The following DNMBP variants were observed in gnomAD, a reference collection of about 807,000 sequenced individuals.
The protein encoded by DNMBP is dynamin binding protein.
Under a neutral mutation model 150.0 loss-of-function variants are expected in DNMBP, and 87 were observed. The observed-to-expected ratio is 0.58, with a 90% CI of 0.49 to 0.69. The LOEUF is 0.69. Among genes scored for constraint, DNMBP ranks in the 30% least tolerant of loss-of-function variants. The pLI is 0.00. For synonymous variants in DNMBP, 711 were observed against 750.4 expected (o/e 0.95, Z 0.86); for missense variants, 1,774 against 1,949.0 (o/e 0.91, Z 1.69).
chr10:99,908,012 T>A lies in DNMBP; in HGVS notation c.2537A>T (p.Glu846Val). 1 of 1,614,034 alleles carries A rather than the reference T, an allele frequency of 6.2e-7. No individual in the cohort carries two copies. Among genetic ancestry groups the A allele is most frequent in the Non-Finnish European group, 8.5e-7 (1 of 1,179,908 alleles). ...GCTCATACCTACAGCATCGCTGATT[T>A]CCAGAGCAGCCAATAATTGCTTCGA... is the stretch of plus-strand genomic sequence containing the variant. ...KVSKQLLAAL[E>V]ISDAVGPVFL... The change falls in exon 6 of 17, where the codon GAA (glutamate) becomes GTA (valine). Residue 846 changes from glutamate (E) to valine (V), a missense_variant. Transcript: ENST00000324109.
At position 99,877,368 on chromosome 10, in the gene DNMBP, T is replaced by C. The variant is rs557767852; in HGVS notation, c.4549-32A>G. Reference sequence around the variant, plus strand: ...GAGGGAGAGAGAGAAAATGGGAAATTGCTGGGAGCAATGCCATCCAACAGC... The same window carrying C: ...GAGGGAGAGAGAGAAAATGGGAAATCGCTGGGAGCAATGCCATCCAACAGC... On this transcript the variant is annotated intron_variant, in intron 16 of 16. Coordinates refer to ENST00000324109, the MANE Select transcript of DNMBP (RefSeq NM_015221.4). The C allele has an allele frequency of 1.0e-4, 164 of 1,567,228 alleles. No homozygotes were observed. In the South Asian group the frequency reaches 1.9e-3, roughly 18 times the overall value.
intron 4 of DNMBP, among the ~76,000 whole-genome samples, chr10:99,924,040 G>C (rs991867515): frequency 6.6e-6 from 1 of 152,154 alleles, no homozygotes; most frequent in Admixed American, 6.5e-5. Flanking sequence ...TGTAATCCCA[G>C]CTACTCGGGA....
chr10:99,914,330 C>T (rs1564729994), intron 4 of DNMBP, among the ~76,000 whole-genome samples: 1 of 152,156 alleles, frequency 6.6e-6, no homozygotes, highest in South Asian at 2.1e-4. Context: ...CCATGCTAAG[C>T]CTTTTTGTTG....
intron 14 of DNMBP, 150 bp downstream of exon 14, chr10:99,885,537 T>A: frequency 1.4e-6 from 1 of 730,226 alleles, no homozygotes; most frequent in Non-Finnish European, 2.1e-6. Context: ...GGCGAATGCA[T>A]GAGCCCATGA....
intron 1 of DNMBP, among the ~76,000 whole-genome samples, chr10:99,990,596 C>T (rs1244401441): frequency 7.0e-6 from 1 of 142,390 alleles, no homozygotes; most frequent in Non-Finnish European, 1.6e-5. Flanking sequence ...GACTAAACAC[C>T]CCAAATTAAT....
In DNMBP at chr10:99,888,214, G is replaced by GTTTTTGTT. The variant is rs151151446; in HGVS notation, c.3285+610_3285+611insAACAAAAA. 2.6e-3 allele frequency among the ~76,000 whole-genome samples: 396 copies of GTTTTTGTT among 149,726 alleles called. 4 individuals carry two copies. Among genetic ancestry groups the GTTTTTGTT allele is most frequent in the East Asian group, 5.0e-3 (25 of 4,964 alleles). On this transcript the variant is annotated intron_variant, in intron 12 of 16. Coordinates refer to ENST00000324109, the MANE Select transcript of DNMBP (RefSeq NM_015221.4). ...TTCAAGGTTTTTTTTTTGTTTGTTT[G>GTTTTTGTT]TTTGTTTTTGTTTTGAGGCAGAGTC...
rs1348568283 is a variant in DNMBP, at chr10:99,956,349, A to G, written c.1125T>C (p.Tyr375=). The part of the protein sequence containing the change: ...TSEYDTDRNS[Y]QDEDTAGGPP... Reference sequence around the variant, plus strand: ...GCCCTCCTGCGGTGTCCTCGTCCTGATAAGAGTTTCTGTCTGTGTCATACT... The same window carrying G: ...GCCCTCCTGCGGTGTCCTCGTCCTGGTAAGAGTTTCTGTCTGTGTCATACT... The change falls in exon 4 of 17, where the codon TAT becomes TAC. Residue 375 remains tyrosine, a synonymous_variant. Coordinates refer to ENST00000324109, the MANE Select transcript of DNMBP (RefSeq NM_015221.4). The G allele has an allele frequency of 1.2e-6, 2 of 1,613,736 alleles. No individual in the cohort carries two copies. The highest frequency in any genetic ancestry group is 1.1e-5 in the South Asian group (1 of 91,034).
intron 1 of DNMBP, among the ~76,000 whole-genome samples, chr10:99,995,113 T>C (rs908600056): frequency 6.6e-6 from 1 of 151,114 alleles, no homozygotes; most frequent in African/African-American, 2.4e-5. Context: ...AGTGCGGTGG[T>C]GCGATGACAG....
At chr10:99,965,558 C>T (rs1032151509) in intron 3 of DNMBP, among the ~76,000 whole-genome samples, 2 of 146,182 alleles carry the variant, frequency 1.4e-5, no homozygotes, top group African/African-American at 5.1e-5. Flanking sequence ...ACTGCAGTGG[C>T]GCAATCTTGG....
rs191638719 is a variant in DNMBP at position 99,971,561 on chromosome 10, G to A, written c.145+419C>T. Among the ~76,000 whole-genome samples, 11 of 151,534 alleles carry A rather than the reference G, an allele frequency of 7.3e-5. No individual in the cohort carries two copies. The East Asian group carries it at 1.2e-3, about 16-fold the overall frequency. The stretch of plus-strand genomic sequence containing the variant: ...TTAGAGACAGAGTTTCACTCTTGTC[G>A]CCCAGGCTGGAATGCAATGGCACAA... On this transcript the variant is annotated intron_variant, in intron 2 of 16. Coordinates refer to ENST00000324109, the MANE Select transcript of DNMBP (RefSeq NM_015221.4).
chr10:99,948,501 A>T (rs1398593965), intron 4 of DNMBP, among the ~76,000 whole-genome samples: 1 of 152,220 alleles, frequency 6.6e-6, no homozygotes, highest in Non-Finnish European at 1.5e-5. Flanking sequence ...TCAACTCTTA[A>T]GATTTTCCAA....
chr10:99,933,421 AC>A (rs1335933360), intron 4 of DNMBP, among the ~76,000 whole-genome samples: 2 of 152,246 alleles, frequency 1.3e-5, no homozygotes, highest in African/African-American at 4.8e-5. Flanking sequence ...TGTAGAAATA[AC>A]CAATAAAATA....
At chr10:99,993,861 G>C (rs10159644) in intron 1 of DNMBP, among the ~76,000 whole-genome samples, 1 of 152,018 alleles carries the variant, frequency 6.6e-6, no homozygotes, top group African/African-American at 2.4e-5. Flanking sequence ...ATTCTGCCTT[G>C]AAAAAAGCTA....
At chr10:99,973,080 C>CATTTATTTATTTATTTATTTATTT (rs35399198) in intron 1 of DNMBP, among the ~76,000 whole-genome samples, 28 of 149,580 alleles carry the variant, frequency 1.9e-4, no homozygotes, top group African/African-American at 6.4e-4. Context: ...CTGCCTGCGG[C>CATTTATTTATTTATTTATTTATTT]ATTTATTTAT....
intron 7 of DNMBP, 54 bp downstream of exon 7, chr10:99,899,865 A>G: frequency 6.3e-7 from 1 of 1,592,206 alleles, no homozygotes. Flanking sequence ...ATACACAGGT[A>G]TAACTTAGAG....
chr10:99,954,952 C>G (rs1243568889), intron 4 of DNMBP, among the ~76,000 whole-genome samples: 1 of 150,950 alleles, frequency 6.6e-6, no homozygotes, highest in Non-Finnish European at 1.5e-5. Flanking sequence ...ATTTGGGAGG[C>G]TGAGGCAGGA....
chr10:99,892,967 C>T (rs2039596270), intron 11 of DNMBP, among the ~76,000 whole-genome samples: 2 of 152,046 alleles, frequency 1.3e-5, no homozygotes, highest in Admixed American at 1.3e-4. Flanking sequence ...ACTATATCCT[C>T]CAATAGATAC....
At chr10:100,009,785 C>G (rs941382208) in intron 1 of DNMBP, 53 bp downstream of exon 1, 1 of 149,292 alleles carries the variant, frequency 6.7e-6, no homozygotes, top group Non-Finnish European at 1.5e-5. Flanking sequence ...CGGACCGCGA[C>G]CCCCGCTCCC....
intron 4 of DNMBP, among the ~76,000 whole-genome samples, chr10:99,933,505 A>G (rs2040184338): frequency 7.2e-6 from 1 of 138,262 alleles, no homozygotes; most frequent in Non-Finnish European, 1.6e-5. Context: ...AAGCTTTATT[A>G]TATGGGTTCA....
Sources: gnomAD v4.1 joint callset for allele counts (sites outside exome capture counted in the v4.1 genomes callset) on GRCh38, gnomAD v4.1.1 for gene constraint, MANE v1.5 for transcripts, NCBI Gene and HGNC (gene_info 2026-07-23, HGNC 2026-07-21) for gene names.